STAU2: variants seen among roughly 807,000 people sequenced by gnomAD.
STAU2 encodes double-stranded RNA-binding protein Staufen homolog 2.
In STAU2, 20 loss-of-function variants were observed where a neutral mutation model predicts 65.9. The ratio of observed to expected loss-of-function variants is 0.30; its 90% CI spans 0.21 to 0.44. The LOEUF (loss-of-function observed/expected upper bound fraction) is 0.44. Among genes scored for constraint, STAU2 ranks in the 20% least tolerant of loss-of-function variants. The pLI is 1.00. For synonymous variants in STAU2, 232 were observed against 233.9 expected (o/e 0.99, Z 0.07); for missense variants, 558 against 683.9 (o/e 0.82, Z 2.05).
chr8:73,664,205 A>G (rs527923022), intron 6 of STAU2, among the ~76,000 whole-genome samples: 48 of 152,078 alleles, frequency 3.2e-4, no homozygotes, highest in African/African-American at 1.2e-3. Flanking sequence ...GCACACGCCA[A>G]CAGAGATGGG....
At chr8:73,599,002 T>G (rs1811424320) in intron 10 of STAU2, among the ~76,000 whole-genome samples, 1 of 152,182 alleles carries the variant, frequency 6.6e-6, no homozygotes, top group Non-Finnish European at 1.5e-5. Context: ...CAGAGCAAAA[T>G]GCCATGTTCA....
At chr8:73,591,463 T>C (rs1198588202) in intron 11 of STAU2, among the ~76,000 whole-genome samples, 1 of 152,116 alleles carries the variant, frequency 6.6e-6, no homozygotes, top group Non-Finnish European at 1.5e-5. Context: ...CAAGACCCAA[T>C]TATATGCTTT....
intron 1 of STAU2, among the ~76,000 whole-genome samples, 162 bp downstream of exon 1, chr8:73,746,621 G>C (rs1807308084): frequency 6.6e-6 from 1 of 150,800 alleles, no homozygotes; most frequent in Admixed American, 6.6e-5. Flanking sequence ...CCGAGAGCCC[G>C]ATGTGGGAGG....
intron 13 of STAU2, among the ~76,000 whole-genome samples, chr8:73,544,241 C>A (rs564197783): frequency 6.6e-6 from 1 of 152,298 alleles, no homozygotes; most frequent in South Asian, 2.1e-4. Flanking sequence ...CTCCTCCATG[C>A]CCAACAGCTT....
At chr8:73,694,553 A>G (rs1418662476) in intron 4 of STAU2, among the ~76,000 whole-genome samples, 4 of 152,212 alleles carry the variant, frequency 2.6e-5, no homozygotes, top group Admixed American at 6.5e-5. Flanking sequence ...AAGATGGTGG[A>G]ACAAAAGCCT....
At chr8:73,687,202 A>T (rs1367432167) in intron 5 of STAU2, among the ~76,000 whole-genome samples, 8 of 139,170 alleles carry the variant, frequency 5.7e-5, no homozygotes, top group African/African-American at 1.6e-4. Flanking sequence ...TATATTATAA[A>T]TTTTTTAATT....
At chr8:73,651,449 G>A (rs868724330) in intron 6 of STAU2, 52 of 671,278 alleles carry the variant, frequency 7.7e-5, no homozygotes, top group East Asian at 5.3e-4. Flanking sequence ...CATGAAACAC[G>A]AACGGCAAAT....
chr8:73,449,841 A>G lies in STAU2; in HGVS notation c.1531-27139T>C, dbSNP rs372308592. Reference sequence around the variant, plus strand: ...GAGGCGGGGAGACACCTCTCCTGGCAGCCCCCTCACTACTCCTGCCTCTGG... The same window carrying G: ...GAGGCGGGGAGACACCTCTCCTGGCGGCCCCCTCACTACTCCTGCCTCTGG... On this transcript the variant is annotated intron_variant, in intron 13 of 14. Transcript: ENST00000524300. Among the ~76,000 whole-genome samples the G allele has an allele frequency of 6.2e-4, 95 of 152,316 alleles. No homozygotes were observed. In the South Asian group the frequency reaches 7.7e-3, roughly 12 times the overall value.
chr8:73,663,931 T>A (rs1817037670), intron 6 of STAU2, among the ~76,000 whole-genome samples: 1 of 152,222 alleles, frequency 6.6e-6, no homozygotes, highest in South Asian at 2.1e-4. Context: ...GTACTTTTGA[T>A]TTATTATTTT....
intron 13 of STAU2, among the ~76,000 whole-genome samples, chr8:73,520,001 T>C (rs572415691): frequency 3.8e-4 from 58 of 152,306 alleles, no homozygotes; most frequent in African/African-American, 1.3e-3. Context: ...ACATCTTGGC[T>C]GAATCTGACA....
At chr8:73,571,086 G>A (rs1454289564) in intron 12 of STAU2, among the ~76,000 whole-genome samples, 1 of 152,002 alleles carries the variant, frequency 6.6e-6, no homozygotes, top group African/African-American at 2.4e-5. Flanking sequence ...AAAAAGCAGG[G>A]GTTGCAATCC....
intron 12 of STAU2, among the ~76,000 whole-genome samples, chr8:73,578,079 A>C (rs28611482): frequency 0.32 from 48,175 of 151,920 alleles, 9,363 homozygotes; most frequent in African/African-American, 0.56. Flanking sequence ...TGCTTAGAAA[A>C]ACTATCATAC....
At chr8:73,452,159 AG>A (rs1005979448) in intron 13 of STAU2, among the ~76,000 whole-genome samples, 5 of 152,110 alleles carry the variant, frequency 3.3e-5, no homozygotes, top group African/African-American at 1.2e-4. Flanking sequence ...TCAGGTTCCC[AG>A]GGGAGGAACT....
Position 73,609,764 on chromosome 8 carries a change from AAG to A in STAU2, c.891+3978_891+3979del, listed in dbSNP as rs374323343. Among the ~76,000 whole-genome samples the A allele has an allele frequency of 5.1e-3, 772 of 152,318 alleles. 11 individuals are homozygous for A. Among genetic ancestry groups the A allele is most frequent in the African/African-American group, 0.018 (735 of 41,570 alleles). ...AGATTGAAATCCCAATGAAAAGGTA[AAG>A]AGAAGCTCTGAGTCTAGCACTAGAA... On this transcript the variant is annotated intron_variant, in intron 9 of 14. Transcript: ENST00000524300.
intron 5 of STAU2, among the ~76,000 whole-genome samples, chr8:73,681,883 G>A (rs887632984): frequency 6.6e-6 from 1 of 151,834 alleles, no homozygotes; most frequent in Non-Finnish European, 1.5e-5. Flanking sequence ...TGACAAAGAG[G>A]GACATTACAT....
At chr8:73,530,453 C>T (rs1041067464) in intron 13 of STAU2, among the ~76,000 whole-genome samples, 1 of 152,168 alleles carries the variant, frequency 6.6e-6, no homozygotes, top group African/African-American at 2.4e-5. Context: ...AGGAGGGAAT[C>T]ATCTGGATTG....
At position 73,628,223 on chromosome 8, in the gene STAU2, G is replaced by A. The variant is rs543840477; in HGVS notation, c.411-10772C>T. 3.2e-4 allele frequency among the ~76,000 whole-genome samples: 48 copies of A among 150,782 alleles called. No individual in the cohort carries two copies. In the South Asian group the frequency reaches 8.9e-3, roughly 28 times the overall value. On this transcript the variant is annotated intron_variant, in intron 6 of 14. Coordinates refer to ENST00000524300, the MANE Select transcript of STAU2 (RefSeq NM_001164380.2). ...CAAGTAGCTGGGACCACAAGCATGTGCCATCATGCCTGGCTAATTTTTTTT... is the reference window on the plus strand; with the variant it reads ...CAAGTAGCTGGGACCACAAGCATGTACCATCATGCCTGGCTAATTTTTTTT...
rs146382216 is a variant in STAU2 at position 73,464,072 on chromosome 8, G to A, written c.1531-41370C>T. On this transcript the variant is annotated intron_variant, in intron 13 of 14. Coordinates refer to ENST00000524300, the MANE Select transcript of STAU2 (RefSeq NM_001164380.2). ...GATTTCGAGACAACAGTTTACAATG[G>A]GCCTGATAATCTAGCAATTTCTAGC... Among the ~76,000 whole-genome samples the A allele has an allele frequency of 7.3e-3, 1,114 of 152,172 alleles. 8 individuals are homozygous for A. The highest frequency in any genetic ancestry group is 9.7e-3 in the Admixed American group (149 of 15,288).
At chr8:73,559,370 C>A (rs1808025944) in intron 12 of STAU2, among the ~76,000 whole-genome samples, 1 of 152,212 alleles carries the variant, frequency 6.6e-6, no homozygotes, top group Admixed American at 6.5e-5. Context: ...GGTGGCAGCA[C>A]CATTCCTAGA....
Sources: gnomAD v4.1 joint callset for allele counts (sites outside exome capture counted in the v4.1 genomes callset) on GRCh38, gnomAD v4.1.1 for gene constraint, MANE v1.5 for transcripts, NCBI Gene and HGNC (gene_info 2026-07-23, HGNC 2026-07-21) for gene names.